Variants in STON2 observed in about 807,000 individuals in gnomAD.
STON2 encodes the protein stonin-2.
In STON2, 29 loss-of-function variants were observed where a neutral mutation model predicts 65.7. The observed-to-expected ratio is 0.44, with a 90% CI of 0.33 to 0.60. STON2 has a LOEUF of 0.60. Ranked by LOEUF, STON2 falls within the 20% of genes least tolerant of loss-of-function variation. The pLI is 0.03. For synonymous variants in STON2, 404 were observed against 414.2 expected (o/e 0.98, Z 0.30); for missense variants, 1,054 against 1,118.1 (o/e 0.94, Z 0.82).
At chr14:81,292,873 G>T (rs1237261331) in intron 5 of STON2, among the ~76,000 whole-genome samples, 1 of 152,164 alleles carries the variant, frequency 6.6e-6, no homozygotes, top group Non-Finnish European at 1.5e-5. Flanking sequence ...AGAGGGAAAG[G>T]ACAAAGTCAA....
intron 4 of STON2, among the ~76,000 whole-genome samples, chr14:81,332,711 G>T (rs147689809): frequency 6.6e-6 from 1 of 152,086 alleles, no homozygotes; most frequent in Non-Finnish European, 1.5e-5. Flanking sequence ...GATTAGATTT[G>T]CTCTTTATGG....
chr14:81,404,530 G>C (rs569263704), upstream of STON2, among the ~76,000 whole-genome samples: 5 of 152,208 alleles, frequency 3.3e-5, no homozygotes, highest in African/African-American at 1.2e-4. Flanking sequence ...AACTGAGACA[G>C]GATCTCACTC....
At position 81,265,883 on chromosome 14, in the gene STON2, G is replaced by A; in HGVS notation, c.*2531C>T. On this transcript the variant is annotated 3_prime_UTR_variant, in exon 8 of 8. Coordinates refer to ENST00000614646, the MANE Select transcript of STON2 (RefSeq NM_001394390.1). ...CAGATGAGGCAGAGATCTTGACAGA[G>A]TGCTAAGCGTGAGTGACTAAGGAAG... 2 of 985,218 alleles carry A rather than the reference G, an allele frequency of 2.0e-6. No individual in the cohort carries two copies. Among genetic ancestry groups the A allele is most frequent in the Middle Eastern group, 5.2e-4 (1 of 1,912 alleles). 61.0% of individuals were successfully genotyped at this position (985,218 alleles called of 1,614,324 possible). A position where few individuals can be genotyped will look rare whatever the true frequency, so the allele number is the denominator to read the frequency against.
At chr14:81,303,970 C>T (rs970730535) in intron 5 of STON2, among the ~76,000 whole-genome samples, 4 of 152,178 alleles carry the variant, frequency 2.6e-5, no homozygotes, top group Non-Finnish European at 4.4e-5. Flanking sequence ...ACCTCTTCCC[C>T]GACCGTGAAT....
At chr14:81,319,699 T>G (rs544508089) in intron 5 of STON2, among the ~76,000 whole-genome samples, 2 of 152,294 alleles carry the variant, frequency 1.3e-5, no homozygotes, top group Admixed American at 6.5e-5. Context: ...GCTTTAAAAA[T>G]TACAGGTTCC....
At chr14:81,356,044 G>C (rs1043479531) in intron 4 of STON2, among the ~76,000 whole-genome samples, 1 of 152,110 alleles carries the variant, frequency 6.6e-6, no homozygotes. Context: ...CCAACACTAT[G>C]TTGAATAGGA....
intron 2 of STON2, among the ~76,000 whole-genome samples, chr14:81,412,081 G>A (rs1266031051): frequency 1.4e-5 from 2 of 140,044 alleles, no homozygotes; most frequent in Admixed American, 7.1e-5. Flanking sequence ...GTAGGCAAGA[G>A]GCATGAGAGG....
At chr14:81,388,376 T>G (rs918211387) in intron 3 of STON2, among the ~76,000 whole-genome samples, 1 of 152,236 alleles carries the variant, frequency 6.6e-6, no homozygotes. Flanking sequence ...CTTGATGATT[T>G]AAGCATTTCT....
In STON2 at chr14:81,266,080, T is replaced by C. The variant is rs1894347698; in HGVS notation, c.*2334A>G. On this transcript the variant is annotated 3_prime_UTR_variant, in exon 8 of 8. Coordinates refer to ENST00000614646, the MANE Select transcript of STON2 (RefSeq NM_001394390.1). ...ATTTCAAAGAGCATGAAAAACCACTTATGAAGAAAAAGACAAATGAAGTTA... is the reference window on the plus strand; with the variant it reads ...ATTTCAAAGAGCATGAAAAACCACTCATGAAGAAAAAGACAAATGAAGTTA... The C allele has an allele frequency of 3.0e-6, 3 of 985,272 alleles. No homozygotes were observed. The South Asian group carries it at 1.4e-4, about 46-fold the overall frequency. The allele number at this position is 985,272 out of a possible 1,614,324, so 61.0% of individuals were successfully genotyped here.
intron 3 of STON2, among the ~76,000 whole-genome samples, chr14:81,382,727 T>C (rs1899588032): frequency 6.6e-6 from 1 of 152,184 alleles, no homozygotes; most frequent in Non-Finnish European, 1.5e-5. Flanking sequence ...TAAAACTTAT[T>C]AAAACCACAT....
intron 6 of STON2, among the ~76,000 whole-genome samples, chr14:81,275,796 G>A (rs913761100): frequency 2.6e-5 from 4 of 152,066 alleles, no homozygotes; most frequent in African/African-American, 9.7e-5. Context: ...TTATACTGCC[G>A]TCGGCCGTCA....
intron 5 of STON2, among the ~76,000 whole-genome samples, chr14:81,307,819 G>T (rs1403512635): frequency 6.6e-6 from 1 of 152,130 alleles, no homozygotes; most frequent in African/African-American, 2.4e-5. Flanking sequence ...AATGCAGTCT[G>T]TAGTGTATAT....
intron 5 of STON2, among the ~76,000 whole-genome samples, chr14:81,298,805 T>G (rs558253720): frequency 3.9e-5 from 6 of 152,318 alleles, no homozygotes; most frequent in African/African-American, 1.4e-4. Flanking sequence ...AACACCCATA[T>G]CCAAGCAAGG....
chr14:81,435,703 ACG>A (rs1902392022), intron 1 of STON2, among the ~76,000 whole-genome samples: 1 of 149,242 alleles, frequency 6.7e-6, no homozygotes. Context: ...ACACACGCAC[ACG>A]CGCGCGCACA....
At chr14:81,334,450 A>C (rs571534278) in intron 4 of STON2, among the ~76,000 whole-genome samples, 71 of 152,288 alleles carry the variant, frequency 4.7e-4, no homozygotes, top group Admixed American at 2.4e-3. Flanking sequence ...GAAAAACTTG[A>C]CCAATCTTCT....
At chr14:81,401,128 A>G (rs184506269), upstream of STON2, among the ~76,000 whole-genome samples, 181 of 152,288 alleles carry the variant, frequency 1.2e-3, no homozygotes, top group African/African-American at 2.9e-3. Flanking sequence ...TCATGAAACC[A>G]CTGCATTTCT....
chr14:81,297,752 T>G (rs575842098), intron 5 of STON2, among the ~76,000 whole-genome samples: 1 of 152,342 alleles, frequency 6.6e-6, no homozygotes, highest in African/African-American at 2.4e-5. Context: ...TAAAAATAAC[T>G]GGCCAGCTGG....
At chr14:81,282,939 AT>A (rs1379403122) in intron 5 of STON2, among the ~76,000 whole-genome samples, 4 of 152,214 alleles carry the variant, frequency 2.6e-5, no homozygotes, top group Non-Finnish European at 5.9e-5. Flanking sequence ...CACAAAGCTA[AT>A]TCTTCTCCAC....
At chr14:81,348,007 A>C (rs1290670278) in intron 4 of STON2, among the ~76,000 whole-genome samples, 1 of 151,916 alleles carries the variant, frequency 6.6e-6, no homozygotes, top group Admixed American at 6.6e-5. Flanking sequence ...ACATCCACAA[A>C]ATGAAGAAAA....
Sources: gnomAD v4.1 joint callset for allele counts (sites outside exome capture counted in the v4.1 genomes callset) on GRCh38, gnomAD v4.1.1 for gene constraint, MANE v1.5 for transcripts, NCBI Gene and HGNC (gene_info 2026-07-23, HGNC 2026-07-21) for gene names.